The following FRMD4A variants were observed in gnomAD, a reference collection of about 807,000 sequenced individuals.
FRMD4A encodes the protein FERM domain containing 4A.
FRMD4A carries 29 observed loss-of-function variants against 129.1 expected under a neutral mutation model. The ratio of observed to expected loss-of-function variants is 0.22; its 90% CI spans 0.17 to 0.31. FRMD4A has a LOEUF of 0.31. Ranked by LOEUF, FRMD4A falls within the 10% of genes least tolerant of loss-of-function variation. FRMD4A has a pLI of 1.00. For synonymous variants in FRMD4A, 634 were observed against 571.6 expected (o/e 1.11, Z -1.56); for missense variants, 1,272 against 1,375.8 (o/e 0.92, Z 1.19).
chr10:13,657,566 C>T, intron 21 of FRMD4A, 44 bp from the exon 22 acceptor site: 1 of 1,504,084 alleles, frequency 6.6e-7, no homozygotes, highest in South Asian at 1.3e-5. Context: ...GGGGAGTGGG[C>T]CCAAGGAGGG....
In FRMD4A at chr10:13,887,360, G is replaced by A. The variant is rs112689567; in HGVS notation, c.46-28448C>T. On this transcript the variant is annotated intron_variant, in intron 2 of 24. Coordinates refer to ENST00000357447, the MANE Select transcript of FRMD4A (RefSeq NM_018027.5). ...AGATGAACAATGTTTCTCTTTGGGA[G>A]GAAAATGCCCAATTTCCACTGATAC... Among the ~76,000 whole-genome samples the A allele has an allele frequency of 5.5e-3, 835 of 152,308 alleles. 6 individuals are homozygous for A. The highest frequency in any genetic ancestry group is 0.019 in the African/African-American group (793 of 41,568).
chr10:14,200,106 C>A (rs1842592133), intron 2 of FRMD4A, among the ~76,000 whole-genome samples: 1 of 149,120 alleles, frequency 6.7e-6, no homozygotes, highest in Non-Finnish European at 1.5e-5. Flanking sequence ...CAGCTCACTA[C>A]AGCCATGAGC....
At chr10:13,701,250 C>A (rs2086804206) in intron 14 of FRMD4A, 90 bp downstream of exon 14, 3 of 1,225,804 alleles carry the variant, frequency 2.4e-6, no homozygotes, top group African/African-American at 3.0e-5. Context: ...GGGCAAGGGA[C>A]ATGGCGCCTC....
chr10:13,685,962 G>A (rs2085038572), intron 15 of FRMD4A, among the ~76,000 whole-genome samples: 1 of 152,032 alleles, frequency 6.6e-6, no homozygotes, highest in Non-Finnish European at 1.5e-5. Context: ...AATAAGAACA[G>A]AAAGGGATAA....
At chr10:14,022,013 C>T (rs1000287547) in intron 2 of FRMD4A, among the ~76,000 whole-genome samples, 6 of 151,958 alleles carry the variant, frequency 3.9e-5, no homozygotes, top group African/African-American at 1.5e-4. Context: ...TAAAAATATA[C>T]TAGTTAAAAC....
At chr10:14,240,063 C>T (rs1843986617) in intron 2 of FRMD4A, among the ~76,000 whole-genome samples, 1 of 152,104 alleles carries the variant, frequency 6.6e-6, no homozygotes, top group African/African-American at 2.4e-5. Flanking sequence ...TCACCTGGGC[C>T]GCCTATTGAT....
At chr10:14,049,770 G>C (rs1013047160) in intron 2 of FRMD4A, among the ~76,000 whole-genome samples, 1 of 152,128 alleles carries the variant, frequency 6.6e-6, no homozygotes, top group African/African-American at 2.4e-5. Flanking sequence ...CAGGAGAATC[G>C]CTTGAACCGT....
intron 2 of FRMD4A, among the ~76,000 whole-genome samples, chr10:13,962,566 C>T (rs1443611440): frequency 1.3e-5 from 2 of 152,072 alleles, no homozygotes; most frequent in African/African-American, 2.4e-5. Flanking sequence ...CAGAGCAATT[C>T]GATTCCTGAT....
At chr10:13,995,664 AT>A (rs2095619923) in intron 2 of FRMD4A, among the ~76,000 whole-genome samples, 1 of 152,200 alleles carries the variant, frequency 6.6e-6, no homozygotes, top group South Asian at 2.1e-4. Flanking sequence ...CCCGAGAGTA[AT>A]GTCAAATGGC....
intron 2 of FRMD4A, among the ~76,000 whole-genome samples, chr10:14,172,118 GT>G (rs1338612889): frequency 1.3e-5 from 2 of 152,132 alleles, no homozygotes; most frequent in Non-Finnish European, 2.9e-5. Flanking sequence ...TTCAAATGCA[GT>G]TTGAATTTTC....
At chr10:13,920,259 C>A (rs2095056678) in intron 2 of FRMD4A, among the ~76,000 whole-genome samples, 1 of 152,080 alleles carries the variant, frequency 6.6e-6, no homozygotes, top group Non-Finnish European at 1.5e-5. Context: ...TTTTTTTTGG[C>A]AGAAGCAGAA....
chr10:13,868,736 T>G (rs2094404663), intron 2 of FRMD4A, among the ~76,000 whole-genome samples: 1 of 152,114 alleles, frequency 6.6e-6, no homozygotes, highest in Admixed American at 6.5e-5. Flanking sequence ...GAGGCAGAAG[T>G]TGCAGTGAAC....
chr10:13,967,771 C>T (rs1322269188), intron 2 of FRMD4A, among the ~76,000 whole-genome samples: 4 of 152,162 alleles, frequency 2.6e-5, no homozygotes, highest in East Asian at 1.9e-4. Flanking sequence ...GTAGGCTGAG[C>T]GCAGTGGTTC....
chr10:13,853,043 G>A (rs534892786), intron 3 of FRMD4A, among the ~76,000 whole-genome samples: 2 of 152,310 alleles, frequency 1.3e-5, no homozygotes, highest in African/African-American at 4.8e-5. Flanking sequence ...GCACACAGTG[G>A]ACAGTTGTAA....
At chr10:13,903,451 G>A (rs1468340786) in intron 2 of FRMD4A, among the ~76,000 whole-genome samples, 2 of 152,202 alleles carry the variant, frequency 1.3e-5, no homozygotes, top group South Asian at 2.1e-4. Flanking sequence ...TGTTGAGGCC[G>A]TGCATGGTGG....
chr10:14,206,279 C>G (rs112897786), intron 2 of FRMD4A, among the ~76,000 whole-genome samples: 1,651 of 152,290 alleles, frequency 0.011, 12 homozygotes, highest in Non-Finnish European at 0.016. Context: ...AACTGACAAC[C>G]CAGTCAGCAC....
In FRMD4A at chr10:13,664,347, T is replaced by A. The variant is rs577789908; in HGVS notation, c.1604-838A>T. Among the ~76,000 whole-genome samples, 10 of 152,158 alleles carry A rather than the reference T, an allele frequency of 6.6e-5. No individual in the cohort carries two copies. The South Asian group carries it at 2.1e-3, about 32-fold the overall frequency. Reference sequence around the variant, plus strand: ...TAAGTGCCTTGGAGGGGGCAGAGGGTCTCAAATGGAGTGTCAGAAAGAGGT... The same window carrying A: ...TAAGTGCCTTGGAGGGGGCAGAGGGACTCAAATGGAGTGTCAGAAAGAGGT... On this transcript the variant is annotated intron_variant, in intron 18 of 24. Coordinates refer to ENST00000357447, the MANE Select transcript of FRMD4A (RefSeq NM_018027.5).
At chr10:14,189,296 C>T (rs1044296999) in intron 2 of FRMD4A, among the ~76,000 whole-genome samples, 2 of 151,914 alleles carry the variant, frequency 1.3e-5, no homozygotes, top group East Asian at 1.9e-4. Flanking sequence ...AGAATGGGCC[C>T]GGCGCGGTTG....
chr10:13,847,979 C>A (rs888268029), intron 3 of FRMD4A, among the ~76,000 whole-genome samples: 4 of 152,222 alleles, frequency 2.6e-5, no homozygotes, highest in African/African-American at 7.2e-5. Flanking sequence ...TCCCTGTGAC[C>A]CCATCCTTAT....
Sources: gnomAD v4.1 joint callset for allele counts (sites outside exome capture counted in the v4.1 genomes callset) on GRCh38, gnomAD v4.1.1 for gene constraint, MANE v1.5 for transcripts, NCBI Gene and HGNC (gene_info 2026-07-23, HGNC 2026-07-21) for gene names.